TNNI3K: variants seen among roughly 807,000 people sequenced by gnomAD.
TNNI3K encodes serine/threonine-protein kinase TNNI3K.
TNNI3K carries 140 observed loss-of-function variants against 114.5 expected under a neutral mutation model. The ratio of observed to expected loss-of-function variants is 1.22; its 90% CI spans 1.07 to 1.41. The LOEUF (loss-of-function observed/expected upper bound fraction) is 1.41, where lower values mean the gene tolerates loss of function less well. Ranked by LOEUF, TNNI3K falls within the 40% of genes most tolerant of loss-of-function variation. The pLI is 0.00. For synonymous variants in TNNI3K, 347 were observed against 347.5 expected, an observed-to-expected ratio of 1.00 and a Z score of 0.02; for missense variants, 1,125 against 1,007.6, an observed-to-expected ratio of 1.12 and a Z score of -1.58.
chr1:74,275,123 G>A (rs1027643842), intron 5 of TNNI3K, among the ~76,000 whole-genome samples: 1 of 151,932 alleles, frequency 6.6e-6, no homozygotes, highest in Non-Finnish European at 1.5e-5. Context: ...GTTCAGTGAG[G>A]ATAGAGATTG....
intron 17 of TNNI3K, among the ~76,000 whole-genome samples, chr1:74,382,135 G>A (rs151004248): frequency 7.2e-5 from 11 of 152,300 alleles, no homozygotes; most frequent in African/African-American, 2.4e-4. Context: ...TCCTTCAGTA[G>A]TGAAAGAAAA....
intron 19 of TNNI3K, among the ~76,000 whole-genome samples, chr1:74,438,023 C>T (rs556447090): frequency 6.6e-6 from 1 of 150,658 alleles, no homozygotes; most frequent in African/African-American, 2.4e-5. Flanking sequence ...AGTCTTTAAG[C>T]ACAGCACTAA....
chr1:74,275,037 A>T (rs1239236623), intron 5 of TNNI3K, among the ~76,000 whole-genome samples: 1 of 152,080 alleles, frequency 6.6e-6, no homozygotes, highest in Non-Finnish European at 1.5e-5. Flanking sequence ...AACCATCGTA[A>T]GTTAGGGATT....
intron 20 of TNNI3K, among the ~76,000 whole-genome samples, chr1:74,442,715 G>C (rs1316671527): frequency 6.6e-6 from 1 of 151,774 alleles, no homozygotes; most frequent in Non-Finnish European, 1.5e-5. Flanking sequence ...TGTGTCTCTT[G>C]ATATATTGTA....
At chr1:74,530,088 C>G (rs1182161337) in intron 23 of TNNI3K, among the ~76,000 whole-genome samples, 1 of 152,186 alleles carries the variant, frequency 6.6e-6, no homozygotes, top group Non-Finnish European at 1.5e-5. Flanking sequence ...CCTTGGCCTC[C>G]CAAAGTGCTG....
intron 4 of TNNI3K, among the ~76,000 whole-genome samples, chr1:74,254,674 T>TCATG (rs557858688): frequency 6.6e-5 from 10 of 152,268 alleles, no homozygotes; most frequent in African/African-American, 2.4e-4. Flanking sequence ...TGGGCCTGAC[T>TCATG]CATTGTTAGA....
At chr1:74,328,398 G>C (rs1198062734) in intron 5 of TNNI3K, among the ~76,000 whole-genome samples, 1 of 150,140 alleles carries the variant, frequency 6.7e-6, no homozygotes, top group African/African-American at 2.5e-5. Flanking sequence ...GAGTGTACTT[G>C]TCTTAGTCCA....
intron 23 of TNNI3K, among the ~76,000 whole-genome samples, chr1:74,502,192 A>G (rs1669668018): frequency 6.6e-6 from 1 of 152,152 alleles, no homozygotes; most frequent in African/African-American, 2.4e-5. Context: ...TTTCTTTTAT[A>G]TTCATACCCA....
At chr1:74,514,548 T>C (rs144229509) in intron 23 of TNNI3K, among the ~76,000 whole-genome samples, 3,495 of 152,290 alleles carry the variant, frequency 0.023, 61 homozygotes, top group Admixed American at 0.042. Flanking sequence ...ATATTATTAA[T>C]ATAATATCCC....
intron 21 of TNNI3K, chr1:74,468,689 A>T (rs1405552628): frequency 1.3e-5 from 2 of 152,092 alleles, no homozygotes; most frequent in African/African-American, 4.8e-5. Context: ...AAGCTTATTT[A>T]TTATTATTAT....
At chr1:74,318,469 G>A (rs557237521) in intron 5 of TNNI3K, among the ~76,000 whole-genome samples, 9 of 152,274 alleles carry the variant, frequency 5.9e-5, no homozygotes, top group East Asian at 3.9e-4. Context: ...AGTACACTTC[G>A]AATTAGATTT....
intron 5 of TNNI3K, among the ~76,000 whole-genome samples, chr1:74,317,504 C>G (rs1384198327): frequency 6.6e-6 from 1 of 151,976 alleles, no homozygotes; most frequent in Non-Finnish European, 1.5e-5. Flanking sequence ...AAGGAAATAG[C>G]AGGTATAAGA....
At chr1:74,365,413 A>G (rs1487361875) in intron 11 of TNNI3K, among the ~76,000 whole-genome samples, 1 of 152,052 alleles carries the variant, frequency 6.6e-6, no homozygotes, top group Non-Finnish European at 1.5e-5. Context: ...CACAACACTC[A>G]GCCCCTACTA....
intron 21 of TNNI3K, among the ~76,000 whole-genome samples, chr1:74,465,391 C>T (rs983370701): frequency 2.0e-4 from 31 of 152,318 alleles, no homozygotes; most frequent in African/African-American, 7.2e-4. Context: ...CACTGAGGGG[C>T]TTAGCACCTG....
At chr1:74,255,010 A>T (rs1416947941) in intron 4 of TNNI3K, among the ~76,000 whole-genome samples, 1 of 152,144 alleles carries the variant, frequency 6.6e-6, no homozygotes, top group Non-Finnish European at 1.5e-5. Flanking sequence ...TGTTCTACAG[A>T]TATCAGGATA....
chr1:74,430,844 A>G (rs1233772375), intron 17 of TNNI3K, among the ~76,000 whole-genome samples: 5 of 152,158 alleles, frequency 3.3e-5, no homozygotes, highest in Admixed American at 6.5e-5. Flanking sequence ...CAAAGCAGAA[A>G]TAGTTTTGGA....
At chr1:74,458,588 T>C (rs1052068711) in intron 20 of TNNI3K, among the ~76,000 whole-genome samples, 1 of 152,238 alleles carries the variant, frequency 6.6e-6, no homozygotes, top group Non-Finnish European at 1.5e-5. Context: ...ACAGTGTTTC[T>C]TGATGGCTAG....
chr1:74,327,512 A>G (rs1269318333), intron 5 of TNNI3K, among the ~76,000 whole-genome samples: 1 of 146,992 alleles, frequency 6.8e-6, no homozygotes, highest in Admixed American at 6.8e-5. Flanking sequence ...CATTTAATAT[A>G]TATATCTCAG....
chr1:74,302,942 C>A (rs1275940823), intron 5 of TNNI3K, among the ~76,000 whole-genome samples: 4 of 152,120 alleles, frequency 2.6e-5, no homozygotes. Flanking sequence ...GAATAAGATG[C>A]CATCCAGGAC....
Sources: gnomAD v4.1 joint callset for allele counts (sites outside exome capture counted in the v4.1 genomes callset) on GRCh38, gnomAD v4.1.1 for gene constraint, MANE v1.5 for transcripts, NCBI Gene and HGNC (gene_info 2026-07-23, HGNC 2026-07-21) for gene names.